Variants in ATP2B1 observed in about 807,000 individuals in gnomAD.
ATP2B1 encodes ATPase plasma membrane Ca2+ transporting 1.
A neutral mutation model predicts 124.2 loss-of-function variants in ATP2B1; 14 were observed. The observed-to-expected ratio is 0.11, with a 90% confidence interval of 0.07 to 0.18. The LOEUF (loss-of-function observed/expected upper bound fraction) is 0.18. ATP2B1 is among the 10% of genes least tolerant of loss of function. The pLI is 1.00. For synonymous variants in ATP2B1, 449 were observed against 492.4 expected (o/e 0.91, Z 1.17); for missense variants, 763 against 1,466.1 (o/e 0.52, Z 7.83).
At chr12:89,646,724 T>C (rs578167696) in intron 2 of ATP2B1, among the ~76,000 whole-genome samples, 1 of 152,050 alleles carries the variant, frequency 6.6e-6, no homozygotes, top group East Asian at 1.9e-4. Flanking sequence ...GAACGGACAG[T>C]GGGAATGAGC....
chr12:89,703,940 T>A (rs1402646385), intron 1 of ATP2B1, among the ~76,000 whole-genome samples: 1 of 152,192 alleles, frequency 6.6e-6, no homozygotes, highest in African/African-American at 2.4e-5. Context: ...CCAGGGGCAA[T>A]GCCAAGGAAT....
rs970950347 is a variant in ATP2B1 at position 89,588,588 on chromosome 12, A to C, written c.*2396T>G. The C allele has an allele frequency of 5.9e-5, 9 of 152,548 alleles. No individual in the cohort carries two copies. Among genetic ancestry groups the C allele is most frequent in the African/African-American group, 9.7e-5 (4 of 41,426 alleles). The allele number at this position is 152,548 out of a possible 1,614,324, so 9.4% of individuals were successfully genotyped here. Reference sequence around the variant, plus strand: ...TTTTTCTACCTACATAATGCTCTGGAAATTTCTGGTAGAAATTACAGTGTC... The same window carrying C: ...TTTTTCTACCTACATAATGCTCTGGCAATTTCTGGTAGAAATTACAGTGTC... On this transcript the variant is annotated 3_prime_UTR_variant, in exon 21 of 21. Transcript: ENST00000428670.
chr12:89,606,246 C>T (rs1479953610), intron 15 of ATP2B1, among the ~76,000 whole-genome samples: 1 of 152,104 alleles, frequency 6.6e-6, no homozygotes, highest in African/African-American at 2.4e-5. Context: ...TCCTCACCTT[C>T]ATTAATGAAA....
rs1252374472 is a variant in ATP2B1, at chr12:89,627,437, T to TG, written c.967+240dup. Among the ~76,000 whole-genome samples the TG allele has an allele frequency of 2.6e-5, 4 of 151,066 alleles. No homozygotes were observed. The East Asian group carries it at 7.7e-4, about 29-fold the overall frequency. On this transcript the variant is annotated intron_variant, in intron 7 of 20. Coordinates refer to ENST00000428670, the MANE Select transcript of ATP2B1 (RefSeq NM_001366521.1). ...AAAAATCTGAAATCTGAAACACTTCTGGTCCCAAGCATTTCGGATAAGGGA... is the reference window on the plus strand; with the variant it reads ...AAAAATCTGAAATCTGAAACACTTCTGGGTCCCAAGCATTTCGGATAAGGGA...
intron 1 of ATP2B1, among the ~76,000 whole-genome samples, chr12:89,706,506 C>G (rs1322718138): frequency 6.6e-6 from 1 of 152,036 alleles, no homozygotes; most frequent in East Asian, 1.9e-4. Context: ...AATATCCAGA[C>G]CATCAATATT....
chr12:89,695,404 A>T (rs1384434943), intron 1 of ATP2B1, among the ~76,000 whole-genome samples: 1 of 152,168 alleles, frequency 6.6e-6, no homozygotes, highest in African/African-American at 2.4e-5. Context: ...CCTAGCAATC[A>T]TATAAATATT....
intron 1 of ATP2B1, among the ~76,000 whole-genome samples, chr12:89,689,936 TC>T (rs1447343419): frequency 6.6e-6 from 1 of 152,172 alleles, no homozygotes; most frequent in African/African-American, 2.4e-5. Flanking sequence ...TTCCTACTAA[TC>T]CTAACACAAA....
intron 2 of ATP2B1, among the ~76,000 whole-genome samples, chr12:89,645,674 A>G (rs2136276287): frequency 6.6e-6 from 1 of 152,320 alleles, no homozygotes; most frequent in South Asian, 2.1e-4. Flanking sequence ...AGATTAGAAG[A>G]TTTACTAGCC....
chr12:89,628,401 C>CAAAA (rs567077317), intron 6 of ATP2B1, among the ~76,000 whole-genome samples: 4 of 79,620 alleles, frequency 5.0e-5, no homozygotes, highest in African/African-American at 1.5e-4. Flanking sequence ...GACTCCGTCT[C>CAAAA]AAAAAAAAAA....
At chr12:89,645,609 C>G (rs765107025) in intron 2 of ATP2B1, among the ~76,000 whole-genome samples, 22 of 152,244 alleles carry the variant, frequency 1.4e-4, no homozygotes, top group Non-Finnish European at 2.6e-4. Context: ...AGAAGACTTT[C>G]GAGCAGAACA....
intron 1 of ATP2B1, among the ~76,000 whole-genome samples, chr12:89,661,441 A>G (rs1250769492): frequency 6.6e-6 from 1 of 152,230 alleles, no homozygotes; most frequent in Non-Finnish European, 1.5e-5. Flanking sequence ...ATTAAAACCA[A>G]ACACTCATAA....
chr12:89,630,134 A>G (rs1881608429), intron 6 of ATP2B1, among the ~76,000 whole-genome samples: 1 of 152,244 alleles, frequency 6.6e-6, no homozygotes, highest in Non-Finnish European at 1.5e-5. Flanking sequence ...AAATGTGAAG[A>G]AGATTAAAAG....
chr12:89,673,297 T>C (rs1888219278), intron 1 of ATP2B1, among the ~76,000 whole-genome samples: 1 of 152,206 alleles, frequency 6.6e-6, no homozygotes, highest in Non-Finnish European at 1.5e-5. Flanking sequence ...TTTACCTACT[T>C]TTTCCTACAG....
chr12:89,615,988 C>T lies in ATP2B1; in HGVS notation c.2067+814G>A, dbSNP rs531325061. 4.6e-5 allele frequency among the ~76,000 whole-genome samples: 7 copies of T among 152,182 alleles called. No homozygotes were observed. The South Asian group carries it at 1.2e-3, about 27-fold the overall frequency. On this transcript the variant is annotated intron_variant, in intron 12 of 20. Transcript: ENST00000428670. Reference sequence around the variant, plus strand: ...AAACACATGGCTTAAGTATATGGCACACAGTGAGAACTCAATAAAAAGATG... The same window carrying T: ...AAACACATGGCTTAAGTATATGGCATACAGTGAGAACTCAATAAAAAGATG...
At position 89,600,762 on chromosome 12, in the gene ATP2B1, C is replaced by T. The variant is rs533867679; in HGVS notation, c.3168+564G>A. ...CTCCTGGGTTCAAGCGATTCTCCTG[C>T]CTCAGCCTCCCAAGTAGCTGGGATT... On this transcript the variant is annotated intron_variant, in intron 19 of 20. Transcript: ENST00000428670. Among the ~76,000 whole-genome samples the T allele has an allele frequency of 3.0e-4, 46 of 151,790 alleles. 1 individual carries two copies. Among genetic ancestry groups the T allele is most frequent in the Non-Finnish European group, 4.0e-4 (27 of 67,986 alleles).
chr12:89,667,794 T>C (rs920409179), intron 1 of ATP2B1, among the ~76,000 whole-genome samples: 1 of 152,184 alleles, frequency 6.6e-6, no homozygotes, highest in African/African-American at 2.4e-5. Flanking sequence ...ATCAGGATCG[T>C]TAAAATGGCC....
chr12:89,640,792 A>G (rs945635452), intron 3 of ATP2B1, among the ~76,000 whole-genome samples: 1 of 151,982 alleles, frequency 6.6e-6, no homozygotes, highest in Non-Finnish European at 1.5e-5. Context: ...CTGGCCCCTC[A>G]AGGCCACCTC....
At chr12:89,628,001 G>A (rs987510872) in intron 6 of ATP2B1, among the ~76,000 whole-genome samples, 45 of 152,130 alleles carry the variant, frequency 3.0e-4, no homozygotes, top group African/African-American at 1.1e-3. Context: ...GATACAAAAA[G>A]TTTTAAAACT....
At chr12:89,627,780 G>A in intron 6 of ATP2B1, 64 bp from the exon 7 acceptor site, 1 of 1,509,784 alleles carries the variant, frequency 6.6e-7, no homozygotes, top group Non-Finnish European at 9.2e-7. Flanking sequence ...GCTAAATTAT[G>A]CAGAAGTAGT....
Sources: allele counts gnomAD v4.1 joint callset (sites outside exome capture counted in the v4.1 genomes callset), GRCh38; gene constraint gnomAD v4.1.1; transcripts MANE v1.5; gene names NCBI Gene and HGNC (gene_info 2026-07-23, HGNC 2026-07-21).